Variants in ANGEL2 observed in about 807,000 individuals in gnomAD.
ANGEL2 encodes angel homolog 2, also known as RNA 2',3'-cyclic phosphatase ANGEL2.
A neutral mutation model predicts 66.0 loss-of-function variants in ANGEL2; 41 were observed. That is an observed-to-expected ratio of 0.62 (90% CI 0.48 to 0.81). The LOEUF (loss-of-function observed/expected upper bound fraction) is 0.81. Among genes scored for constraint, ANGEL2 ranks in the 30% least tolerant of loss-of-function variants. ANGEL2 has a pLI of 0.00. For missense variants in ANGEL2, 561 were observed against 641.6 expected (o/e 0.87, Z 1.36); for synonymous variants, 208 against 226.5 (o/e 0.92, Z 0.73).
chr1:213,007,878 T>C lies in ANGEL2; in HGVS notation c.642+332A>G, dbSNP rs190840817. ...TTTTCTTTCTTTCTTTTTTTTTTTT[T>C]TTGAGGCAGAGTTTTGCTCTTGTTG... is the stretch of plus-strand genomic sequence containing the variant. On this transcript the variant is annotated intron_variant, in intron 3 of 8. Coordinates refer to ENST00000366962, the MANE Select transcript of ANGEL2 (RefSeq NM_144567.5). Among the ~76,000 whole-genome samples the C allele has an allele frequency of 5.4e-3, 823 of 151,948 alleles. 8 individuals carry two copies. Among genetic ancestry groups the C allele is most frequent in the African/African-American group, 0.017 (703 of 41,356 alleles).
At position 212,994,420 on chromosome 1, in the gene ANGEL2, A is replaced by G. The variant is rs2132428; in HGVS notation, c.*621T>C. 31,552 of 152,198 alleles carry G rather than the reference A, an allele frequency of 0.21. 4,307 individuals carry two copies. The highest frequency in any genetic ancestry group is 0.39 in the East Asian group (2,020 of 5,170). The allele number at this position is 152,198 out of a possible 1,614,324, so 9.4% of individuals were successfully genotyped here. A position where few individuals can be genotyped will look rare whatever the true frequency, so the allele number is the denominator to read the frequency against. ...TGAGCTTTACACGTTATGCTGGCTT[A>G]TATTTCCCAAACATTTCCCCAACAC... On this transcript the variant is annotated 3_prime_UTR_variant, in exon 9 of 9. Coordinates refer to ENST00000366962, the MANE Select transcript of ANGEL2 (RefSeq NM_144567.5).
At position 213,015,664 on chromosome 1, in the gene ANGEL2, G is replaced by A; in HGVS notation, c.8C>T (p.Ala3Val). 6.2e-7 allele frequency: 1 copy of A among 1,614,124 alleles called. No individual in the cohort carries two copies. The change falls in exon 1 of 9, where the codon GCC (alanine) becomes GTC (valine). Residue 3 changes from alanine (A) to valine (V), a missense_variant. Transcript: ENST00000366962. ME[A>V]WRCVRKGYGH... Reference sequence around the variant, plus strand: ...GTAGCCCTTCCTCACACAGCGCCAGGCTTCCATCTTCGCCCTCCGCGTGCG... The same window carrying A: ...GTAGCCCTTCCTCACACAGCGCCAGACTTCCATCTTCGCCCTCCGCGTGCG...
intron 5 of ANGEL2, among the ~76,000 whole-genome samples, chr1:213,004,592 G>A (rs2148154434): frequency 6.6e-6 from 1 of 151,862 alleles, no homozygotes. Context: ...AGAAGAAGCT[G>A]GGCACAGTGG....
At chr1:213,014,604 T>C (rs2148185292) in intron 1 of ANGEL2, among the ~76,000 whole-genome samples, 1 of 152,362 alleles carries the variant, frequency 6.6e-6, no homozygotes, top group African/African-American at 2.4e-5. Context: ...CTACAAAAGC[T>C]ATTATCTATA....
chr1:213,003,539 G>A (rs547710523), intron 5 of ANGEL2, among the ~76,000 whole-genome samples: 2 of 152,324 alleles, frequency 1.3e-5, no homozygotes, highest in East Asian at 3.9e-4. Context: ...AGAGGCCCAA[G>A]TAGGGGGAGA....
In ANGEL2 at chr1:212,993,808, C is replaced by T. The variant is rs1465684172; in HGVS notation, c.*1233G>A. 6.6e-6 allele frequency: 1 copy of T among 152,150 alleles called. No homozygotes were observed. The highest frequency in any genetic ancestry group is 2.4e-5 in the African/African-American group (1 of 41,414). 9.4% of individuals were successfully genotyped at this position (152,150 alleles called of 1,614,324 possible). On this transcript the variant is annotated 3_prime_UTR_variant, in exon 9 of 9. Transcript: ENST00000366962. ...TGACTATTTACAGAGCATTAGGTCT[C>T]CAAGTTAATATCTCCCCACTAGAGT...
chr1:213,013,635 T>C (rs1006698266), intron 1 of ANGEL2, among the ~76,000 whole-genome samples: 1 of 152,160 alleles, frequency 6.6e-6, no homozygotes, highest in African/African-American at 2.4e-5. Flanking sequence ...TTCTGAATAC[T>C]TAACACAGAA....
chr1:213,007,853 T>TTTTC lies in ANGEL2; in HGVS notation c.642+353_642+356dup, dbSNP rs199879743. Among the ~76,000 whole-genome samples the TTTTC allele has an allele frequency of 3.4e-5, 5 of 148,464 alleles. No individual in the cohort carries two copies. The East Asian group carries it at 1.0e-3, about 30-fold the overall frequency. The stretch of plus-strand genomic sequence containing the variant: ...CACAAATGAAACATTTAACCCAACT[T>TTTTC]TTTCTTTCTTTCTTTTTTTTTTTTT... On this transcript the variant is annotated intron_variant, in intron 3 of 8. Coordinates refer to ENST00000366962, the MANE Select transcript of ANGEL2 (RefSeq NM_144567.5).
At position 213,000,829 on chromosome 1, in the gene ANGEL2, G is replaced by T; in HGVS notation, c.1218C>A (p.Asn406Lys). ...GTACCTGCTGTACCTCATACACACA[G>T]TTCTGTGAGATACCTAGGTTTGGGG... Reference protein sequence around the residue: ...IWPPNLGISQNCVYEVQQVPK... With the variant: ...IWPPNLGISQKCVYEVQQVPK... Residue 406 changes from asparagine to lysine, a missense_variant, in exon 6 of 9, where the codon AAC (asparagine) becomes AAA (lysine). Physicochemically the swap from Asn to Lys is moderately conservative, Grantham distance 94. Coordinates refer to ENST00000366962, the MANE Select transcript of ANGEL2 (RefSeq NM_144567.5). The T allele has an allele frequency of 6.2e-7, 1 of 1,612,574 alleles. No individual in the cohort carries two copies. The highest frequency in any genetic ancestry group is 1.3e-5 in the African/African-American group (1 of 74,964).
Position 213,005,158 on chromosome 1 carries a change from G to C in ANGEL2, c.1009C>G (p.His337Asp), listed in dbSNP as rs2076287668. 6.2e-7 allele frequency: 1 copy of C among 1,614,190 alleles called. No homozygotes were observed. Among genetic ancestry groups the C allele is most frequent in the Non-Finnish European group, 8.5e-7 (1 of 1,180,034 alleles). Residue 337 changes from histidine (H) to aspartate (D), a missense_variant, in exon 5 of 9, where the codon CAC becomes GAC. His to Asp is a moderately conservative substitution (Grantham distance 81). Transcript: ENST00000366962. The stretch of plus-strand genomic sequence containing the variant: ...GGGCAGAAGCTGCCATCTTTCTGGT[G>C]GGCAACACTGGAAATCTCTGCCAGT... ...MLLAEISSVAHQKDGSFCPIV... is the reference protein window; with the variant it reads ...MLLAEISSVADQKDGSFCPIV...
chr1:213,004,383 A>C (rs993012284), intron 5 of ANGEL2, among the ~76,000 whole-genome samples: 6 of 152,192 alleles, frequency 3.9e-5, no homozygotes, highest in Admixed American at 2.6e-4. Context: ...GGAAACTTGT[A>C]TAATAAATGT....
At chr1:213,008,977 G>A (rs1465761345) in intron 2 of ANGEL2, among the ~76,000 whole-genome samples, 1 of 152,220 alleles carries the variant, frequency 6.6e-6, no homozygotes, top group South Asian at 2.1e-4. Context: ...TGAAAGAAGT[G>A]TATATAATGG....
intron 4 of ANGEL2, chr1:213,006,469 A>C (rs1163552391): frequency 6.6e-6 from 1 of 152,022 alleles, no homozygotes; most frequent in African/African-American, 2.4e-5. Flanking sequence ...CGCAAAAAAA[A>C]AAAAAAAAAA....
Position 213,015,687 on chromosome 1 carries a change from G to A in ANGEL2, c.-16C>T, listed in dbSNP as rs751834816. On this transcript the variant is annotated 5_prime_UTR_variant, in exon 1 of 9. Transcript: ENST00000366962. ...AGGCTTCCATCTTCGCCCTCCGCGT[G>A]CGTCCAGTTCCCAGGCCCCGGGTTC... The A allele has an allele frequency of 2.5e-6, 4 of 1,614,088 alleles. No individual in the cohort carries two copies. The Admixed American group carries it at 6.7e-5, about 27-fold the overall frequency.
intron 1 of ANGEL2, chr1:213,015,350 G>T: frequency 4.3e-6 from 6 of 1,394,268 alleles, no homozygotes; most frequent in Non-Finnish European, 5.6e-6. Flanking sequence ...AAAGCCACTG[G>T]CACAAGCCTG....
intron 1 of ANGEL2, chr1:213,015,335 G>C: frequency 7.3e-7 from 1 of 1,371,980 alleles, no homozygotes; most frequent in Non-Finnish European, 9.4e-7. Context: ...GCAGGCCAGG[G>C]ATCCAAAGCC....
At chr1:213,011,102 T>G (rs1161044508) in intron 2 of ANGEL2, 1 of 1,135,370 alleles carries the variant, frequency 8.8e-7, no homozygotes, top group Admixed American at 2.6e-5. Context: ...TGTGTTCAAA[T>G]ATGAGGGTTC....
Position 213,015,670 on chromosome 1 carries a change from ATC to A in ANGEL2, c.-1_1del. ...CTTCCTCACACAGCGCCAGGCTTCCATCTTCGCCCTCCGCGTGCGTCCAGTTC... is the reference window on the plus strand; with the variant it reads ...CTTCCTCACACAGCGCCAGGCTTCCATTCGCCCTCCGCGTGCGTCCAGTTC... On this transcript the variant is annotated start_lost and start_retained_variant and 5_prime_UTR_variant, in exon 1 of 9. Coordinates refer to ENST00000366962, the MANE Select transcript of ANGEL2 (RefSeq NM_144567.5). 6.2e-7 allele frequency: 1 copy of A among 1,613,888 alleles called. No individual in the cohort carries two copies.
intron 3 of ANGEL2, 133 bp from the exon 4 acceptor site, chr1:213,007,331 C>G (rs1187359033): frequency 1.4e-6 from 1 of 698,670 alleles, no homozygotes; most frequent in Admixed American, 2.9e-5. Context: ...AAAAGACTTA[C>G]CTGTTTTTCT....
Sources: allele counts gnomAD v4.1 joint callset (sites outside exome capture counted in the v4.1 genomes callset), GRCh38; gene constraint gnomAD v4.1.1; transcripts MANE v1.5; gene names NCBI Gene and HGNC (gene_info 2026-07-23, HGNC 2026-07-21).